The following PARN variants were observed in gnomAD, a reference collection of about 807,000 sequenced individuals.
PARN encodes the protein poly(A)-specific ribonuclease PARN.
Under a neutral mutation model 102.8 loss-of-function variants are expected in PARN, and 71 were observed. That is an observed-to-expected ratio of 0.69 (90% CI 0.57 to 0.84). The LOEUF (loss-of-function observed/expected upper bound fraction) is 0.84, where lower values mean the gene tolerates loss of function less well. Among genes scored for constraint, PARN ranks in the 40% least tolerant of loss-of-function variants. The pLI is 0.00. For missense variants in PARN, 782 were observed against 760.9 expected, an observed-to-expected ratio of 1.03 and a Z score of -0.33; for synonymous variants, 261 against 252.9, an observed-to-expected ratio of 1.03 and a Z score of -0.30.
At position 14,450,574 on chromosome 16, in the gene PARN, G is replaced by GT. The variant is rs200290471; in HGVS notation, c.1671-3494dup. 8.0e-3 allele frequency among the ~76,000 whole-genome samples: 1,215 copies of GT among 152,038 alleles called. 2 individuals are homozygous for GT. Among genetic ancestry groups the GT allele is most frequent in the Non-Finnish European group, 0.012 (806 of 67,968 alleles). ...TATATTTATGCAGGGATAGATAATT[G>GT]TATCTATCCAGGCACAAAATTCCCA... On this transcript the variant is annotated intron_variant, in intron 22 of 23. Transcript: ENST00000437198.
At chr16:14,592,256 C>T (rs575200151) in intron 13 of PARN, among the ~76,000 whole-genome samples, 10 of 152,116 alleles carry the variant, frequency 6.6e-5, no homozygotes, top group Admixed American at 6.5e-5. Context: ...ATTTGAGCCA[C>T]GTCAATTCAA....
At chr16:14,483,660 C>T (rs1185968242) in intron 21 of PARN, among the ~76,000 whole-genome samples, 3 of 152,080 alleles carry the variant, frequency 2.0e-5, no homozygotes, top group Non-Finnish European at 4.4e-5. Flanking sequence ...ACCCTCATGC[C>T]TGTTTTTAGA....
intron 21 of PARN, among the ~76,000 whole-genome samples, chr16:14,504,608 GGA>G (rs1964794576): frequency 6.6e-6 from 1 of 151,968 alleles, no homozygotes; most frequent in Admixed American, 6.6e-5. Context: ...GAGAAAGTAG[GGA>G]GAGGGGAGAA....
chr16:14,535,482 TTC>T (rs1031760166), intron 21 of PARN, among the ~76,000 whole-genome samples: 1 of 152,214 alleles, frequency 6.6e-6, no homozygotes, highest in African/African-American at 2.4e-5. Flanking sequence ...GTTTAATAGA[TTC>T]TTTTTCAGAA....
At chr16:14,466,208 AG>A (rs1273003096) in intron 22 of PARN, among the ~76,000 whole-genome samples, 5 of 152,238 alleles carry the variant, frequency 3.3e-5, no homozygotes, top group African/African-American at 1.2e-4. Flanking sequence ...AAATATCAAA[AG>A]AAAGAATTGA....
At chr16:14,445,179 C>A (rs1307549988) in intron 23 of PARN, among the ~76,000 whole-genome samples, 1 of 151,826 alleles carries the variant, frequency 6.6e-6, no homozygotes, top group Non-Finnish European at 1.5e-5. Flanking sequence ...AAGAGAGACA[C>A]CCAGAGTCAA....
chr16:14,508,530 C>G (rs1270444976), intron 21 of PARN, among the ~76,000 whole-genome samples: 1 of 152,004 alleles, frequency 6.6e-6, no homozygotes, highest in African/African-American at 2.4e-5. Context: ...GAAATGCAGG[C>G]TCACATTCCC....
chr16:14,454,645 GTACTGTATGTAGACAAAGCCTTCC>G (rs1305830579), intron 22 of PARN, among the ~76,000 whole-genome samples: 1 of 152,150 alleles, frequency 6.6e-6, no homozygotes, highest in Non-Finnish European at 1.5e-5. Flanking sequence ...AGTTGTTTCA[GTACTGTATGTAGACAAAGCCTTCC>G]TTCGCCTACT....
At chr16:14,514,390 G>T (rs369207458) in intron 21 of PARN, among the ~76,000 whole-genome samples, 12 of 152,000 alleles carry the variant, frequency 7.9e-5, no homozygotes, top group East Asian at 5.8e-4. Flanking sequence ...GTTTCACCGT[G>T]TTAGCCAGGA....
intron 6 of PARN, among the ~76,000 whole-genome samples, chr16:14,615,630 G>A (rs1971846305): frequency 6.6e-6 from 1 of 152,116 alleles, no homozygotes; most frequent in African/African-American, 2.4e-5. Context: ...GCCAGGCCCG[G>A]TGGCTCATGC....
At chr16:14,468,461 G>C (rs1422609805) in intron 22 of PARN, among the ~76,000 whole-genome samples, 1 of 148,542 alleles carries the variant, frequency 6.7e-6, no homozygotes, top group Non-Finnish European at 1.5e-5. Flanking sequence ...AAAGAGGAGG[G>C]AAAGAGAAGG....
At chr16:14,474,759 T>C (rs1962943736) in intron 22 of PARN, among the ~76,000 whole-genome samples, 1 of 152,226 alleles carries the variant, frequency 6.6e-6, no homozygotes, top group Non-Finnish European at 1.5e-5. Flanking sequence ...CTCTGTCCAC[T>C]CTGCCCTATG....
chr16:14,558,060 T>G (rs1005124713), intron 18 of PARN, among the ~76,000 whole-genome samples: 1 of 152,230 alleles, frequency 6.6e-6, no homozygotes, highest in Non-Finnish European at 1.5e-5. Flanking sequence ...ATGCTTCATA[T>G]AATTTTCAGT....
intron 21 of PARN, among the ~76,000 whole-genome samples, chr16:14,493,194 A>G (rs1964144753): frequency 6.6e-6 from 1 of 152,118 alleles, no homozygotes; most frequent in South Asian, 2.1e-4. Context: ...CTGTTAAAAC[A>G]TTCATCTCAT....
At chr16:14,445,854 G>A (rs1449994112) in intron 23 of PARN, among the ~76,000 whole-genome samples, 2 of 152,170 alleles carry the variant, frequency 1.3e-5, no homozygotes, top group African/African-American at 2.4e-5. Context: ...GTGAGCCACC[G>A]AGCCTGGCCT....
intron 21 of PARN, among the ~76,000 whole-genome samples, chr16:14,517,999 G>C (rs75795353): frequency 1.3e-5 from 2 of 151,878 alleles, no homozygotes; most frequent in African/African-American, 2.4e-5. Flanking sequence ...GATGTTGAGG[G>C]GGTGTTATCT....
intron 21 of PARN, among the ~76,000 whole-genome samples, chr16:14,547,106 A>G (rs79013325): frequency 0.16 from 24,189 of 150,320 alleles, 2,260 homozygotes; most frequent in Middle Eastern, 0.28. Flanking sequence ...AAAAAAAAAA[A>G]GAAAAAAAAA....
intron 22 of PARN, among the ~76,000 whole-genome samples, chr16:14,467,023 C>T (rs1019816436): frequency 4.6e-5 from 7 of 152,196 alleles, no homozygotes; most frequent in Non-Finnish European, 7.3e-5. Flanking sequence ...CTCTCCTCTC[C>T]GCTTGTGCAC....
At chr16:14,559,622 T>C (rs1048441021) in intron 18 of PARN, among the ~76,000 whole-genome samples, 2 of 151,952 alleles carry the variant, frequency 1.3e-5, no homozygotes, top group Non-Finnish European at 2.9e-5. Context: ...AGTCACCCTG[T>C]TGTGCTATCA....
Sources: allele counts gnomAD v4.1 joint callset (sites outside exome capture counted in the v4.1 genomes callset), GRCh38; gene constraint gnomAD v4.1.1; transcripts MANE v1.5; gene names NCBI Gene and HGNC (gene_info 2026-07-23, HGNC 2026-07-21).